The following THY1 variants were observed in gnomAD, a reference collection of about 807,000 sequenced individuals.
THY1 encodes the protein Thy-1 cell surface antigen.
In THY1, 10 loss-of-function variants were observed where a neutral mutation model predicts 14.9. The observed-to-expected ratio is 0.67, with a 90% CI of 0.41 to 1.14. The LOEUF (loss-of-function observed/expected upper bound fraction) is 1.14, where lower values mean the gene tolerates loss of function less well. THY1 is among the 50% of genes most tolerant of loss of function. The pLI, the probability that THY1 is intolerant of heterozygous loss-of-function variation, is 0.00. For synonymous variants in THY1, 80 were observed against 90.0 expected, an observed-to-expected ratio of 0.89 and a Z score of 0.63; for missense variants, 159 against 202.1, an observed-to-expected ratio of 0.79 and a Z score of 1.29.
intron 3 of THY1, 169 bp from the exon 4 acceptor site, chr11:119,419,689 T>C: frequency 1.6e-6 from 1 of 625,094 alleles, no homozygotes; most frequent in East Asian, 2.7e-5. Flanking sequence ...TCTTTCCCAT[T>C]TGCAGATTAC....
chr11:119,419,595 AG>A, intron 3 of THY1, 75 bp from the exon 4 acceptor site: 3 of 1,209,942 alleles, frequency 2.5e-6, no homozygotes, highest in Non-Finnish European at 3.7e-6. Context: ...ACAGGCCCAA[AG>A]CAAGGGTGTA....
Position 119,416,233 on chromosome 11 carries a change from G to A in THY1, c.*3175C>T, listed in dbSNP as rs559033170. Among the ~76,000 whole-genome samples the A allele has an allele frequency of 2.0e-5, 3 of 151,718 alleles. No individual in the cohort carries two copies. The highest frequency in any genetic ancestry group is 4.4e-5 in the Non-Finnish European group (3 of 67,974). On this transcript the variant is annotated 3_prime_UTR_variant, in exon 4 of 4. Transcript: ENST00000284240. The stretch of plus-strand genomic sequence containing the variant: ...CCTAGGTATGGACTTAGGTGCTGAA[G>A]GGGGGGGACCCAGGAAAGAGGTTAG...
chr11:119,421,153 T>C (rs1294480291), intron 1 of THY1: 3 of 475,862 alleles, frequency 6.3e-6, no homozygotes, highest in African/African-American at 5.9e-5. Context: ...GGTGTGTTTC[T>C]GCGCTTGGCC....
chr11:119,420,206 G>C lies in THY1; in HGVS notation c.218C>G (p.Thr73Arg), dbSNP rs1355707345. ...GGTGAAGTTGGTTCGGGAGCGGTATGTGTGCTCAGGCACCCCCACAGTGCC... is the reference window on the plus strand; with the variant it reads ...GGTGAAGTTGGTTCGGGAGCGGTATCTGTGCTCAGGCACCCCCACAGTGCC... ...LFGTVGVPEH[T>R]YRSRTNFTSK... The change falls in exon 3 of 4, where the codon ACA becomes AGA. Residue 73 changes from threonine (T) to arginine (R), a missense_variant. Transcript: ENST00000284240. 1 of 1,614,280 alleles carries C rather than the reference G, an allele frequency of 6.2e-7. No homozygotes were observed. The highest frequency in any genetic ancestry group is 1.7e-5 in the Admixed American group (1 of 60,034).
rs1428504319 is a variant in THY1 at position 119,416,567 on chromosome 11, C to T, written c.*2841G>A. The stretch of plus-strand genomic sequence containing the variant: ...TTGGCTCACTGCAACCTCCGCCTCC[C>T]GGGTTCAAGTGATTCTCCTGCCTCA... On this transcript the variant is annotated 3_prime_UTR_variant, in exon 4 of 4. Coordinates refer to ENST00000284240, the MANE Select transcript of THY1 (RefSeq NM_006288.5). Among the ~76,000 whole-genome samples, 3 of 152,150 alleles carry T rather than the reference C, an allele frequency of 2.0e-5. No individual in the cohort carries two copies. Among genetic ancestry groups the T allele is most frequent in the East Asian group, 1.9e-4 (1 of 5,198 alleles).
upstream of THY1, chr11:119,423,257 A>C (rs1476257031): frequency 2.9e-6 from 1 of 348,726 alleles, no homozygotes; most frequent in Non-Finnish European, 5.8e-6. Flanking sequence ...TCAGAGGCGG[A>C]GATTGGGGGA....
chr11:119,420,602 CAGG>C (rs1861881115), intron 2 of THY1: 5 of 631,974 alleles, frequency 7.9e-6, no homozygotes, highest in Non-Finnish European at 1.4e-5. Context: ...GTTTCAAGGA[CAGG>C]AGATCTTAGG....
rs1487205063 is a variant in THY1 at position 119,416,567 on chromosome 11, CG to C, written c.*2840del. Among the ~76,000 whole-genome samples the C allele has an allele frequency of 2.0e-5, 3 of 152,150 alleles. No individual in the cohort carries two copies. Among genetic ancestry groups the C allele is most frequent in the African/African-American group, 7.2e-5 (3 of 41,432 alleles). ...TTGGCTCACTGCAACCTCCGCCTCC[CG>C]GGTTCAAGTGATTCTCCTGCCTCAG... On this transcript the variant is annotated 3_prime_UTR_variant, in exon 4 of 4. Coordinates refer to ENST00000284240, the MANE Select transcript of THY1 (RefSeq NM_006288.5).
At chr11:119,423,914 T>G (rs1276557380), upstream of THY1, 2 of 152,490 alleles carry the variant, frequency 1.3e-5, no homozygotes, top group Non-Finnish European at 2.9e-5. Flanking sequence ...TTGTTTGGTC[T>G]TCAGACCAGG....
chr11:119,420,469 T>C, intron 2 of THY1, 83 bp from the exon 3 acceptor site: 1 of 1,353,378 alleles, frequency 7.4e-7, no homozygotes, highest in South Asian at 1.4e-5. Context: ...GAGATGGGCC[T>C]GGCTAGGGAG....
rs1276069890 is a variant in THY1 at position 119,416,801 on chromosome 11, T to G, written c.*2607A>C. Among the ~76,000 whole-genome samples, 1 of 152,202 alleles carries G rather than the reference T, an allele frequency of 6.6e-6. No individual in the cohort carries two copies. Among genetic ancestry groups the G allele is most frequent in the African/African-American group, 2.4e-5 (1 of 41,448 alleles). On this transcript the variant is annotated 3_prime_UTR_variant, in exon 4 of 4. Transcript: ENST00000284240. ...GAGGCCTGATGCCCTGTTCTTCTCT[T>G]CTCCTTTCCGAAGTCCGTGGCCCTC...
intron 1 of THY1, 92 bp from the exon 2 acceptor site, chr11:119,421,021 C>T: frequency 8.4e-7 from 1 of 1,185,480 alleles, no homozygotes; most frequent in South Asian, 1.3e-5. Flanking sequence ...GTGGCTATGG[C>T]AGTCATCTAA....
rs185111681 is a variant in THY1, at chr11:119,419,757, A to C, written c.374-237T>G. The stretch of plus-strand genomic sequence containing the variant: ...CCTTACTAAACATCATGACAAGAAA[A>C]CTGGCTGAGGGAGGTGGTGTCATCC... On this transcript the variant is annotated intron_variant, in intron 3 of 3. Transcript: ENST00000284240. The C allele has an allele frequency of 1.9e-4, 116 of 597,638 alleles. No individual in the cohort carries two copies. The East Asian group carries it at 3.1e-3, about 16-fold the overall frequency. The allele number at this position is 597,638 out of a possible 1,614,324, so 37.0% of individuals were successfully genotyped here.
At chr11:119,419,631 A>G (rs1172730055) in intron 3 of THY1, 111 bp from the exon 4 acceptor site, 2 of 822,342 alleles carry the variant, frequency 2.4e-6, no homozygotes, top group Non-Finnish European at 2.0e-6. Flanking sequence ...TGGGTACTGC[A>G]ATGTCTTAGC....
chr11:119,419,324 G>T lies in THY1; in HGVS notation c.*84C>A, dbSNP rs1054735. 28 of 1,225,084 alleles carry T rather than the reference G, an allele frequency of 2.3e-5. 1 individual carries two copies. The highest frequency in any genetic ancestry group is 1.4e-4 in the South Asian group (11 of 77,768). The allele number at this position is 1,225,084 out of a possible 1,614,324, so 75.9% of individuals were successfully genotyped here. A position where few individuals can be genotyped will look rare whatever the true frequency, so the allele number is the denominator to read the frequency against. On this transcript the variant is annotated 3_prime_UTR_variant, in exon 4 of 4. Transcript: ENST00000284240. ...CTTCTCCTCAAGGTTTGAGGGATTG[G>T]GGGGAGGGGGTCAGCTGACTCAGAG... is the stretch of plus-strand genomic sequence containing the variant.
In THY1 at chr11:119,421,132, A is replaced by G. The variant is rs1420725895; in HGVS notation, c.-24-203T>C. 15 of 522,968 alleles carry G rather than the reference A, an allele frequency of 2.9e-5. No individual in the cohort carries two copies. In the East Asian group the frequency reaches 4.6e-4, roughly 16 times the overall value. 32.4% of individuals were successfully genotyped at this position (522,968 alleles called of 1,614,324 possible). A position where few individuals can be genotyped will look rare whatever the true frequency, so the allele number is the denominator to read the frequency against. The stretch of plus-strand genomic sequence containing the variant: ...GGAAAGCAAGGAAGGAGGGAGAACA[A>G]GCCCAGTCACGGTGTGTTTCTGCGC... On this transcript the variant is annotated intron_variant, in intron 1 of 3. Coordinates refer to ENST00000284240, the MANE Select transcript of THY1 (RefSeq NM_006288.5).
Position 119,419,217 on chromosome 11 carries a change from C to T in THY1, c.*191G>A, listed in dbSNP as rs758682903. The T allele has an allele frequency of 5.1e-5, 34 of 660,300 alleles. No individual in the cohort carries two copies. Among genetic ancestry groups the T allele is most frequent in the African/African-American group, 2.1e-4 (12 of 56,088 alleles). The allele number at this position is 660,300 out of a possible 1,614,324, so 40.9% of individuals were successfully genotyped here. Reference sequence around the variant, plus strand: ...GTACAAAAAGACAGCCAGAGGTGTGCGGAGAGGGTGAGGTGGCCGCGTGGA... The same window carrying T: ...GTACAAAAAGACAGCCAGAGGTGTGTGGAGAGGGTGAGGTGGCCGCGTGGA... On this transcript the variant is annotated 3_prime_UTR_variant, in exon 4 of 4. Transcript: ENST00000284240.
rs1260086705 is a variant in THY1 at position 119,419,368 on chromosome 11, G to A, written c.*40C>T. 6.4e-7 allele frequency: 1 copy of A among 1,571,758 alleles called. No individual in the cohort carries two copies. Among genetic ancestry groups the A allele is most frequent in the South Asian group, 1.1e-5 (1 of 89,242 alleles). On this transcript the variant is annotated 3_prime_UTR_variant, in exon 4 of 4. Coordinates refer to ENST00000284240, the MANE Select transcript of THY1 (RefSeq NM_006288.5). ...CTCAGAGAAGTAGGATCTCTGCACTGGAACTTGAGGCTTCCTGTCTCCTCC... is the reference window on the plus strand; with the variant it reads ...CTCAGAGAAGTAGGATCTCTGCACTAGAACTTGAGGCTTCCTGTCTCCTCC...
rs556978588 is a variant in THY1, at chr11:119,420,706, C to T, written c.37+163G>A. ...CAAACTGTGTTTTCAAAAACCACCT[C>T]AGGCCGTCAGAATATCAGCGCGGTG... On this transcript the variant is annotated intron_variant, in intron 2 of 3. Transcript: ENST00000284240. 436 of 899,326 alleles carry T rather than the reference C, an allele frequency of 4.8e-4. 1 individual carries two copies. The highest frequency in any genetic ancestry group is 6.3e-4 in the Non-Finnish European group (362 of 577,282). The allele number at this position is 899,326 out of a possible 1,614,324, so 55.7% of individuals were successfully genotyped here. A position where few individuals can be genotyped will look rare whatever the true frequency, so the allele number is the denominator to read the frequency against.
Sources: allele counts gnomAD v4.1 joint callset (sites outside exome capture counted in the v4.1 genomes callset), GRCh38; gene constraint gnomAD v4.1.1; transcripts MANE v1.5; gene names NCBI Gene and HGNC (gene_info 2026-07-23, HGNC 2026-07-21).